Variants in CLSTN2 observed in about 807,000 individuals in gnomAD.
The protein encoded by CLSTN2 is calsyntenin 2.
In CLSTN2, 48 loss-of-function variants were observed where a neutral mutation model predicts 101.2. The observed-to-expected ratio is 0.47, with a 90% CI of 0.38 to 0.60. The LOEUF (loss-of-function observed/expected upper bound fraction) is 0.60, where lower values mean the gene tolerates loss of function less well. Ranked by LOEUF, CLSTN2 falls within the 20% of genes least tolerant of loss-of-function variation. The pLI, the probability that CLSTN2 is intolerant of heterozygous loss-of-function variation, is 0.00. For missense variants in CLSTN2, 1,160 were observed against 1,238.2 expected (o/e 0.94, Z 0.95); for synonymous variants, 481 against 463.6 (o/e 1.04, Z -0.48).
At chr3:140,039,898 C>T (rs146445378) in intron 1 of CLSTN2, among the ~76,000 whole-genome samples, 7 of 152,230 alleles carry the variant, frequency 4.6e-5, no homozygotes, top group African/African-American at 1.7e-4. Flanking sequence ...GTAACAACTT[C>T]TAAGTATCAA....
At chr3:140,287,454 T>C (rs569059645) in intron 2 of CLSTN2, among the ~76,000 whole-genome samples, 12 of 152,284 alleles carry the variant, frequency 7.9e-5, no homozygotes, top group African/African-American at 2.9e-4. Context: ...TTGATTGTGG[T>C]GGTGATTTCA....
At chr3:140,353,040 G>A (rs2087627559) in intron 2 of CLSTN2, among the ~76,000 whole-genome samples, 1 of 151,958 alleles carries the variant, frequency 6.6e-6, no homozygotes, top group South Asian at 2.1e-4. Context: ...TATTTACATG[G>A]GATTTATATT....
chr3:140,348,510 G>A (rs952955143), intron 2 of CLSTN2, among the ~76,000 whole-genome samples: 3 of 152,100 alleles, frequency 2.0e-5, no homozygotes, highest in African/African-American at 7.2e-5. Flanking sequence ...ATCAGCATCA[G>A]TCTGCTCTCC....
chr3:140,005,097 C>T (rs1214752823), intron 1 of CLSTN2, among the ~76,000 whole-genome samples: 3 of 152,150 alleles, frequency 2.0e-5, no homozygotes, highest in East Asian at 1.9e-4. Context: ...GGAGCTGAAG[C>T]TGAGCTCCAA....
At chr3:140,325,785 G>A (rs1320414639) in intron 2 of CLSTN2, among the ~76,000 whole-genome samples, 7 of 152,058 alleles carry the variant, frequency 4.6e-5, no homozygotes, top group East Asian at 1.9e-4. Flanking sequence ...CTAGCCATTC[G>A]GGACAAATAC....
chr3:140,152,634 T>C (rs939501393), intron 1 of CLSTN2, among the ~76,000 whole-genome samples: 7 of 152,226 alleles, frequency 4.6e-5, no homozygotes, highest in African/African-American at 1.7e-4. Flanking sequence ...GGGCAATTGG[T>C]GCTCACGTTC....
chr3:140,486,043 C>T (rs79459454), intron 8 of CLSTN2, among the ~76,000 whole-genome samples: 12,235 of 152,004 alleles, frequency 0.08, 640 homozygotes, highest in Non-Finnish European at 0.11. Context: ...TTGCTCACAC[C>T]GAGAGCTGTA....
At chr3:140,026,524 T>C (rs1347060818) in intron 1 of CLSTN2, among the ~76,000 whole-genome samples, 1 of 152,108 alleles carries the variant, frequency 6.6e-6, no homozygotes, top group Non-Finnish European at 1.5e-5. Flanking sequence ...ATGAAATGCT[T>C]TGGGGTTTGA....
intron 5 of CLSTN2, among the ~76,000 whole-genome samples, chr3:140,426,382 G>A (rs2088565193): frequency 6.6e-6 from 1 of 152,140 alleles, no homozygotes; most frequent in African/African-American, 2.4e-5. Context: ...ACAGTGTTTG[G>A]TTTTCTGTTC....
chr3:140,192,057 A>G (rs1405039190), intron 2 of CLSTN2, among the ~76,000 whole-genome samples: 1 of 151,892 alleles, frequency 6.6e-6, no homozygotes, highest in Admixed American at 6.6e-5. Flanking sequence ...GTACTAGCTT[A>G]TTTCCACTGA....
intron 2 of CLSTN2, among the ~76,000 whole-genome samples, chr3:140,199,578 C>T (rs902385425): frequency 3.3e-5 from 5 of 152,188 alleles, no homozygotes; most frequent in East Asian, 3.9e-4. Context: ...GCCGCCCAGG[C>T]CCCTGCCCAC....
At chr3:140,383,006 C>T (rs1320183186) in intron 2 of CLSTN2, among the ~76,000 whole-genome samples, 1 of 152,166 alleles carries the variant, frequency 6.6e-6, no homozygotes, top group African/African-American at 2.4e-5. Flanking sequence ...TCAAAAACCT[C>T]CTTCCCACAA....
At chr3:140,198,995 C>T (rs566129885) in intron 2 of CLSTN2, among the ~76,000 whole-genome samples, 2 of 152,328 alleles carry the variant, frequency 1.3e-5, no homozygotes, top group South Asian at 4.1e-4. Context: ...AGGTAGGATT[C>T]TCCAAGGCCC....
intron 5 of CLSTN2, among the ~76,000 whole-genome samples, chr3:140,427,207 G>GTATATATATATA (rs1301184422): frequency 3.5e-5 from 3 of 84,988 alleles, no homozygotes; most frequent in African/African-American, 2.2e-4. Flanking sequence ...ATATATATGT[G>GTATATATATATA]TATATATATA....
chr3:140,153,300 A>G (rs2009897553), intron 1 of CLSTN2, among the ~76,000 whole-genome samples: 1 of 152,258 alleles, frequency 6.6e-6, no homozygotes, highest in African/African-American at 2.4e-5. Flanking sequence ...CAATTAAAAA[A>G]GCAAATTGTC....
chr3:140,150,510 C>A (rs938867895), intron 1 of CLSTN2, among the ~76,000 whole-genome samples: 8 of 152,180 alleles, frequency 5.3e-5, no homozygotes, highest in Non-Finnish European at 1.0e-4. Flanking sequence ...TTTTAATTGT[C>A]AACCCTCTCA....
intron 1 of CLSTN2, among the ~76,000 whole-genome samples, chr3:139,954,165 A>C (rs1935346971): frequency 6.6e-6 from 1 of 152,038 alleles, no homozygotes; most frequent in Admixed American, 6.5e-5. Context: ...GTTTCCTAAG[A>C]GAAAATATTT....
intron 1 of CLSTN2, among the ~76,000 whole-genome samples, chr3:140,011,898 C>T (rs2007082207): frequency 1.3e-5 from 2 of 151,822 alleles, no homozygotes; most frequent in Admixed American, 1.3e-4. Flanking sequence ...ATCTGGGGTG[C>T]CGAATGGTCC....
intron 2 of CLSTN2, among the ~76,000 whole-genome samples, chr3:140,243,283 C>A (rs1421358091): frequency 6.6e-6 from 1 of 152,200 alleles, no homozygotes; most frequent in Non-Finnish European, 1.5e-5. Context: ...TGATTACTCA[C>A]TCTCCAAGGG....
Sources: allele counts gnomAD v4.1 joint callset (sites outside exome capture counted in the v4.1 genomes callset), GRCh38; gene constraint gnomAD v4.1.1; transcripts MANE v1.5; gene names NCBI Gene and HGNC (gene_info 2026-07-23, HGNC 2026-07-21).